The following CDK15 variants were observed in gnomAD, a reference collection of about 807,000 sequenced individuals.
The protein encoded by CDK15 is cyclin dependent kinase 15.
CDK15 carries 62 observed loss-of-function variants against 60.3 expected under a neutral mutation model. The observed-to-expected ratio is 1.03, with a 90% CI of 0.84 to 1.27. CDK15 has a LOEUF of 1.27. Ranked by LOEUF, CDK15 falls within the 50% of genes most tolerant of loss-of-function variation. CDK15 has a pLI of 0.00. For synonymous variants in CDK15, 194 were observed against 195.7 expected (o/e 0.99, Z 0.07); for missense variants, 541 against 527.8 (o/e 1.03, Z -0.25).
intron 9 of CDK15, among the ~76,000 whole-genome samples, chr2:201,849,551 A>G (rs1362885598): frequency 3.9e-5 from 6 of 152,188 alleles, no homozygotes; most frequent in Non-Finnish European, 7.3e-5. Flanking sequence ...CAAGGGGGAA[A>G]AAAAAAAGAA....
chr2:201,807,720 C>T (rs913071578), intron 2 of CDK15, 77 bp downstream of exon 2: 3 of 1,587,304 alleles, frequency 1.9e-6, no homozygotes, highest in African/African-American at 2.7e-5. Flanking sequence ...GCTTCCAGGG[C>T]AATTACTGAG....
intron 12 of CDK15, among the ~76,000 whole-genome samples, chr2:201,884,479 C>T (rs1449665438): frequency 6.6e-6 from 1 of 152,166 alleles, no homozygotes; most frequent in African/African-American, 2.4e-5. Flanking sequence ...TCCGAAAGTT[C>T]TTCAGCATGC....
intron 11 of CDK15, among the ~76,000 whole-genome samples, chr2:201,875,121 T>C (rs1699027365): frequency 6.6e-6 from 1 of 152,210 alleles, no homozygotes; most frequent in Admixed American, 6.5e-5. Flanking sequence ...CAAAACTCAA[T>C]TTTCATTTTT....
chr2:201,884,117 A>T (rs1476534781), intron 12 of CDK15, among the ~76,000 whole-genome samples: 1 of 152,182 alleles, frequency 6.6e-6, no homozygotes, highest in African/African-American at 2.4e-5. Flanking sequence ...TGAGGCAGTA[A>T]ATGACACGTG....
intron 13 of CDK15, among the ~76,000 whole-genome samples, chr2:201,891,574 T>C (rs773417721): frequency 1.4e-4 from 22 of 151,966 alleles, no homozygotes; most frequent in Non-Finnish European, 2.5e-4. Flanking sequence ...TCCAGGGTAA[T>C]CTTGAGGAGG....
chr2:201,829,096 T>C (rs1696638602), intron 6 of CDK15, among the ~76,000 whole-genome samples: 2 of 152,220 alleles, frequency 1.3e-5, no homozygotes, highest in African/African-American at 4.8e-5. Flanking sequence ...CATTAAATGG[T>C]TTTAAACAAA....
chr2:201,877,136 C>A (rs888820157), intron 11 of CDK15, among the ~76,000 whole-genome samples: 2 of 152,178 alleles, frequency 1.3e-5, no homozygotes, highest in Admixed American at 1.3e-4. Context: ...GCCCCTAATA[C>A]CCCTGTAAAC....
At chr2:201,873,187 C>G (rs1042664347) in intron 11 of CDK15, among the ~76,000 whole-genome samples, 4 of 152,084 alleles carry the variant, frequency 2.6e-5, no homozygotes, top group Non-Finnish European at 5.9e-5. Context: ...AAAGCCTCCA[C>G]GTAGAATAAA....
intron 10 of CDK15, among the ~76,000 whole-genome samples, chr2:201,856,283 G>A (rs1574908357): frequency 6.6e-6 from 1 of 152,236 alleles, no homozygotes; most frequent in South Asian, 2.1e-4. Flanking sequence ...CAATACTTTT[G>A]CTTACAGCTA....
chr2:201,871,603 C>T (rs1698853913), intron 10 of CDK15, among the ~76,000 whole-genome samples: 1 of 152,120 alleles, frequency 6.6e-6, no homozygotes, highest in Non-Finnish European at 1.5e-5. Flanking sequence ...TTCTTCCCAG[C>T]ACTTGGTACA....
chr2:201,846,775 G>A (rs1697688155), intron 8 of CDK15, among the ~76,000 whole-genome samples: 1 of 152,118 alleles, frequency 6.6e-6, no homozygotes, highest in African/African-American at 2.4e-5. Context: ...TATAGAGGAT[G>A]ATACATGGGT....
chr2:201,831,911 T>C (rs1696766952), intron 6 of CDK15, among the ~76,000 whole-genome samples: 1 of 152,184 alleles, frequency 6.6e-6, no homozygotes, highest in African/African-American at 2.4e-5. Context: ...AAAAGTTACA[T>C]TGAGCCCTGG....
At position 201,818,058 on chromosome 2, in the gene CDK15, A is replaced by T. The variant is rs150742482; in HGVS notation, c.449-4751A>T. On this transcript the variant is annotated intron_variant, in intron 4 of 13. Coordinates refer to ENST00000652192, the MANE Select transcript of CDK15 (RefSeq NM_001366386.2). ...CAATGTCCAATGAGGGTTGGGGAGG[A>T]CTCCATCATTGACTCATTATATAAT... 2.6e-5 allele frequency among the ~76,000 whole-genome samples: 4 copies of T among 152,252 alleles called. No homozygotes were observed. The East Asian group carries it at 7.7e-4, about 29-fold the overall frequency.
chr2:201,890,106 C>G (rs1699593442), intron 12 of CDK15, among the ~76,000 whole-genome samples: 1 of 148,666 alleles, frequency 6.7e-6, no homozygotes, highest in Admixed American at 6.7e-5. Context: ...AAATTGGAAA[C>G]TTCCTAAAAC....
chr2:201,841,176 T>C (rs186773988), intron 8 of CDK15, among the ~76,000 whole-genome samples: 2 of 152,342 alleles, frequency 1.3e-5, no homozygotes, highest in East Asian at 3.9e-4. Context: ...TTAAAAGTAA[T>C]GGCAAAACCA....
Position 201,812,557 on chromosome 2 carries a change from G to C in CDK15, c.443G>C (p.Arg148Pro). ...GAAGGAGTCCCATTTACAGCTATCC[G>C]AGAAGGTAAGAACAGCAGAAATGGA... Reference protein sequence around the residue: ...AEEGVPFTAIREASLLKGLKH... With the variant: ...AEEGVPFTAIPEASLLKGLKH... The change falls in exon 4 of 14, where the codon CGA (arginine) becomes CCA (proline). Residue 148 changes from arginine to proline, a missense_variant. By Grantham distance (103) the Arg-to-Pro change is moderately radical. Transcript: ENST00000652192. 1 of 1,611,086 alleles carries C rather than the reference G, an allele frequency of 6.2e-7. No homozygotes were observed. The highest frequency in any genetic ancestry group is 8.5e-7 in the Non-Finnish European group (1 of 1,177,758).
chr2:201,863,818 C>T (rs1378760692), intron 10 of CDK15, among the ~76,000 whole-genome samples: 1 of 152,246 alleles, frequency 6.6e-6, no homozygotes, highest in East Asian at 1.9e-4. Context: ...ATCACTTGAA[C>T]CCAGGAGGCA....
chr2:201,824,339 A>G (rs1269612295), intron 6 of CDK15, among the ~76,000 whole-genome samples: 3 of 152,358 alleles, frequency 2.0e-5, no homozygotes, highest in African/African-American at 7.2e-5. Flanking sequence ...TGATGTATTT[A>G]TTCATTTAAC....
At chr2:201,809,673 C>G (rs1481171190) in intron 3 of CDK15, among the ~76,000 whole-genome samples, 1 of 152,046 alleles carries the variant, frequency 6.6e-6, no homozygotes, top group South Asian at 2.1e-4. Context: ...CTGTAAATAT[C>G]TAATACAACA....
Sources: gnomAD v4.1 joint callset for allele counts (sites outside exome capture counted in the v4.1 genomes callset) on GRCh38, gnomAD v4.1.1 for gene constraint, MANE v1.5 for transcripts, NCBI Gene and HGNC (gene_info 2026-07-23, HGNC 2026-07-21) for gene names.